CREM: variants seen among roughly 807,000 people sequenced by gnomAD.
CREM encodes cAMP responsive element modulator.
CREM carries 13 observed loss-of-function variants against 37.3 expected under a neutral mutation model. That is an observed-to-expected ratio of 0.35 (90% CI 0.23 to 0.55). The LOEUF is 0.55. CREM is among the 20% of genes least tolerant of loss of function. The probability of loss-of-function intolerance (pLI) is 0.88; values close to 1 mark genes in which losing one functional copy is unlikely to be tolerated. For synonymous variants in CREM, 124 were observed against 120.2 expected (o/e 1.03, Z -0.21); for missense variants, 296 against 362.3 (o/e 0.82, Z 1.49).
At chr10:35,156,089 GCCA>G (rs1019020838) in intron 3 of CREM, among the ~76,000 whole-genome samples, 3 of 150,784 alleles carry the variant, frequency 2.0e-5, no homozygotes, top group African/African-American at 4.9e-5. Flanking sequence ...ACAGGCGCCC[GCCA>G]CCACACCTGG....
At position 35,212,873 on chromosome 10, in the gene CREM, T is replaced by A. The variant is rs991252847; in HGVS notation, c.*1475T>A. On this transcript the variant is annotated 3_prime_UTR_variant, in exon 8 of 8. Transcript: ENST00000685392. ...GTCGGCACATTCAGCTGAGGTTCAT[T>A]ACAATCGAGACTGCAATGTGATCTA... 3 of 152,810 alleles carry A rather than the reference T, an allele frequency of 2.0e-5. No homozygotes were observed. Among genetic ancestry groups the A allele is most frequent in the African/African-American group, 7.2e-5 (3 of 41,462 alleles). The allele number at this position is 152,810 out of a possible 1,614,324, so 9.5% of individuals were successfully genotyped here.
chr10:35,155,946 T>TTTC (rs1313694445), intron 3 of CREM, among the ~76,000 whole-genome samples: 1 of 72,294 alleles, frequency 1.4e-5, no homozygotes, highest in Non-Finnish European at 3.6e-5. Flanking sequence ...TCTTTCTTTC[T>TTTC]TTTTTTTTTT....
intron 6 of CREM, among the ~76,000 whole-genome samples, chr10:35,194,097 C>CGAAAAAAAAAA (rs2095041062): frequency 4.0e-5 from 1 of 25,052 alleles, no homozygotes; most frequent in Non-Finnish European, 6.7e-5. Flanking sequence ...GACTTCATCT[C>CGAAAAAAAAAA]AAAAAAAAAA....
chr10:35,135,704 A>G (rs1437254318), intron 1 of CREM, among the ~76,000 whole-genome samples: 2 of 134,654 alleles, frequency 1.5e-5, no homozygotes, highest in Non-Finnish European at 3.1e-5. Flanking sequence ...TGGGCAACAT[A>G]GTGATACCTA....
intron 5 of CREM, 54 bp downstream of exon 5, chr10:35,179,330 T>C (rs1255039788): frequency 1.6e-5 from 25 of 1,575,450 alleles, no homozygotes; most frequent in Non-Finnish European, 2.0e-5. Flanking sequence ...TCTTCTCTAG[T>C]TATATTGAAG....
chr10:35,207,090 CTT>C, intron 7 of CREM, 39 bp downstream of exon 7: 1 of 1,584,590 alleles, frequency 6.3e-7, no homozygotes, highest in Non-Finnish European at 8.6e-7. Context: ...TTCTAGGACA[CTT>C]TTTAAAAATT....
chr10:35,160,564 A>G (rs1405136706), intron 3 of CREM, among the ~76,000 whole-genome samples: 2 of 152,128 alleles, frequency 1.3e-5, no homozygotes, highest in African/African-American at 4.8e-5. Flanking sequence ...ATGCCCAGCT[A>G]ACTTATTTTA....
In CREM at chr10:35,155,733, A is replaced by G. The variant is rs141955006; in HGVS notation, c.168+7242A>G. Among the ~76,000 whole-genome samples, 284 of 151,214 alleles carry G rather than the reference A, an allele frequency of 1.9e-3. 8 individuals are homozygous for G. In the East Asian group the frequency reaches 0.049, roughly 26 times the overall value. ...AACCTCCACCTCCCAGGTTCAAGTG[A>G]TTCTCTTGCCTCAGGTTCCCGAGAG... On this transcript the variant is annotated intron_variant, in intron 3 of 7. Coordinates refer to ENST00000685392, the MANE Select transcript of CREM (RefSeq NM_183011.2).
intron 6 of CREM, among the ~76,000 whole-genome samples, chr10:35,202,958 C>T (rs1445136211): frequency 1.3e-5 from 2 of 152,110 alleles, no homozygotes; most frequent in Non-Finnish European, 2.9e-5. Flanking sequence ...AATTTGGTCC[C>T]TTGAGGGTGG....
chr10:35,199,539 C>T (rs1281359491), intron 6 of CREM, among the ~76,000 whole-genome samples: 2 of 152,138 alleles, frequency 1.3e-5, no homozygotes, highest in Non-Finnish European at 2.9e-5. Flanking sequence ...CAGATTGTGA[C>T]TGACACAGAA....
intron 1 of CREM, among the ~76,000 whole-genome samples, chr10:35,134,641 A>T (rs536195356): frequency 5.2e-4 from 79 of 152,314 alleles, no homozygotes; most frequent in African/African-American, 1.8e-3. Flanking sequence ...ATATAATCCC[A>T]TATTCAGATT....
intron 5 of CREM, among the ~76,000 whole-genome samples, chr10:35,187,391 CTG>C (rs963133280): frequency 2.1e-4 from 31 of 148,866 alleles, no homozygotes; most frequent in African/African-American, 6.5e-4. Flanking sequence ...TCCCGAGTAA[CTG>C]GGACTACAGA....
At chr10:35,134,927 A>T (rs751403335) in intron 1 of CREM, among the ~76,000 whole-genome samples, 12 of 151,712 alleles carry the variant, frequency 7.9e-5, no homozygotes, top group Non-Finnish European at 1.5e-4. Flanking sequence ...AATCCCAGCT[A>T]CTCAGGAGGC....
rs557971441 is a variant in CREM, at chr10:35,197,475, C to T, written c.598+9087C>T. 3.2e-4 allele frequency among the ~76,000 whole-genome samples: 47 copies of T among 147,480 alleles called. 1 individual carries two copies. Among genetic ancestry groups the T allele is most frequent in the Middle Eastern group, 3.5e-3 (1 of 288 alleles). On this transcript the variant is annotated intron_variant, in intron 6 of 7. Transcript: ENST00000685392. ...TTATTTATTTATTTATTTTATGAGA[C>T]GGAGTCTCGCTCTGTCGCCCAGGCT...
At chr10:35,169,242 C>T (rs573372272) in intron 3 of CREM, among the ~76,000 whole-genome samples, 2 of 152,202 alleles carry the variant, frequency 1.3e-5, no homozygotes, top group East Asian at 1.9e-4. Flanking sequence ...ATGGAATGTT[C>T]TTCCATTTGT....
At chr10:35,154,740 G>A (rs2092795229) in intron 3 of CREM, among the ~76,000 whole-genome samples, 1 of 152,154 alleles carries the variant, frequency 6.6e-6, no homozygotes, top group East Asian at 1.9e-4. Flanking sequence ...TGCTAAATCT[G>A]TATTATAAAA....
chr10:35,146,510 C>G (rs1433920220), intron 2 of CREM, among the ~76,000 whole-genome samples: 1 of 152,098 alleles, frequency 6.6e-6, no homozygotes, highest in Non-Finnish European at 1.5e-5. Flanking sequence ...AACTAATGTC[C>G]TGAGGTATTT....
At chr10:35,163,905 G>C (rs2093413313) in intron 3 of CREM, among the ~76,000 whole-genome samples, 1 of 151,854 alleles carries the variant, frequency 6.6e-6, no homozygotes. Context: ...AGGAGGCTGA[G>C]GTGGGAGGAT....
intron 5 of CREM, among the ~76,000 whole-genome samples, chr10:35,184,464 T>C (rs1396846304): frequency 6.6e-6 from 1 of 152,208 alleles, no homozygotes; most frequent in Non-Finnish European, 1.5e-5. Context: ...TTTTGTTTAT[T>C]GTCAGATGAG....
Sources: gnomAD v4.1 joint callset for allele counts (sites outside exome capture counted in the v4.1 genomes callset) on GRCh38, gnomAD v4.1.1 for gene constraint, MANE v1.5 for transcripts, NCBI Gene and HGNC (gene_info 2026-07-23, HGNC 2026-07-21) for gene names.